KALRN: variants seen among roughly 807,000 people sequenced by gnomAD.
KALRN encodes the protein kalirin.
A neutral mutation model predicts 353.7 loss-of-function variants in KALRN; 70 were observed. That is an observed-to-expected ratio of 0.20 (90% CI 0.16 to 0.24). The LOEUF is 0.24. Ranked by LOEUF, KALRN falls within the 10% of genes least tolerant of loss-of-function variation. The pLI, the probability that KALRN is intolerant of heterozygous loss-of-function variation, is 1.00. For missense variants in KALRN, 2,791 were observed against 3,756.7 expected, an observed-to-expected ratio of 0.74 and a Z score of 6.72; for synonymous variants, 1,391 against 1,434.8, an observed-to-expected ratio of 0.97 and a Z score of 0.69.
rs564981540 is a variant in KALRN, at chr3:124,299,805, C to T, written c.1092+892C>T. Among the ~76,000 whole-genome samples, 86 of 152,268 alleles carry T rather than the reference C, an allele frequency of 5.6e-4. 4 individuals carry two copies. The South Asian group carries it at 0.017, about 30-fold the overall frequency. ...ATGACCACTCTTATCCCTCATAAACCTAACACTTCGGGATATATTTTTGTT... is the reference window on the plus strand; with the variant it reads ...ATGACCACTCTTATCCCTCATAAACTTAACACTTCGGGATATATTTTTGTT... On this transcript the variant is annotated intron_variant, in intron 6 of 59. Coordinates refer to ENST00000682506, the MANE Select transcript of KALRN (RefSeq NM_001388419.1).
chr3:124,408,119 C>T (rs971799204), intron 13 of KALRN, among the ~76,000 whole-genome samples: 2 of 152,108 alleles, frequency 1.3e-5, no homozygotes, highest in South Asian at 2.1e-4. Flanking sequence ...GAAGGCAGTG[C>T]GTTTTCTTGC....
intron 6 of KALRN, among the ~76,000 whole-genome samples, chr3:124,321,829 G>A (rs932180577): frequency 2.0e-5 from 3 of 152,230 alleles, no homozygotes; most frequent in African/African-American, 7.2e-5. Context: ...AACGGACCAT[G>A]CTGCAGGTGC....
At chr3:124,490,935 A>G (rs757477264) in intron 30 of KALRN, 51 bp downstream of exon 30, 5 of 1,513,658 alleles carry the variant, frequency 3.3e-6, no homozygotes, top group Admixed American at 1.7e-5. Context: ...CATAGAACCC[A>G]TGGGCAGGAA....
chr3:124,565,406 A>G (rs2072681330), intron 34 of KALRN, among the ~76,000 whole-genome samples: 2 of 152,226 alleles, frequency 1.3e-5, no homozygotes, highest in Admixed American at 6.5e-5. Flanking sequence ...AAGAGGGTAC[A>G]CAGAAGGTAG....
At chr3:124,096,732 C>T (rs2061474232) in intron 1 of KALRN, 6 of 152,134 alleles carry the variant, frequency 3.9e-5, no homozygotes, top group Admixed American at 3.9e-4. Flanking sequence ...TAACCAAATT[C>T]TCAGTTTGTT....
chr3:124,042,770 T>A (rs958657632), intron 1 of KALRN, among the ~76,000 whole-genome samples: 81 of 152,154 alleles, frequency 5.3e-4, no homozygotes, highest in African/African-American at 1.8e-3. Context: ...CAGGTGTCAG[T>A]GAAATAGCTA....
chr3:124,547,200 G>A (rs2069785681), intron 33 of KALRN, among the ~76,000 whole-genome samples: 1 of 152,096 alleles, frequency 6.6e-6, no homozygotes, highest in African/African-American at 2.4e-5. Context: ...GGATCTCACT[G>A]TGTTGCCCAG....
chr3:124,263,364 C>G (rs541456888), intron 3 of KALRN, among the ~76,000 whole-genome samples: 1 of 152,226 alleles, frequency 6.6e-6, no homozygotes, highest in Non-Finnish European at 1.5e-5. Context: ...ACTCTTGGCT[C>G]TCTCTGAGTG....
rs1064321 is a variant in KALRN at position 124,719,665 on chromosome 3, T to A, written c.*195T>A. ...AAGTCACCCTAAATCAAGGGGCTTT[T>A]CAGAAGGTCATTCTGAAGAAATAAA... On this transcript the variant is annotated 3_prime_UTR_variant, in exon 60 of 60. Coordinates refer to ENST00000682506, the MANE Select transcript of KALRN (RefSeq NM_001388419.1). The surrounding 1 kb of genome is among the most constrained non-coding windows in gnomAD (Gnocchi z 5.3). The A allele has an allele frequency of 0.017, 9,995 of 572,846 alleles. 173 individuals are homozygous for A. The highest frequency in any genetic ancestry group is 0.061 in the East Asian group (2,088 of 34,324). 35.5% of individuals were successfully genotyped at this position (572,846 alleles called of 1,614,324 possible). A position where few individuals can be genotyped will look rare whatever the true frequency, so the allele number is the denominator to read the frequency against.
intron 1 of KALRN, among the ~76,000 whole-genome samples, chr3:124,204,628 T>C (rs1350998622): frequency 6.6e-6 from 1 of 152,204 alleles, no homozygotes; most frequent in Non-Finnish European, 1.5e-5. Context: ...TATCTTTGGC[T>C]TTGGAATTCA....
At chr3:124,715,606 A>T (rs892644526) in intron 58 of KALRN, among the ~76,000 whole-genome samples, 42 of 152,238 alleles carry the variant, frequency 2.8e-4, no homozygotes, top group African/African-American at 9.6e-4. Context: ...AGAGGCTTGC[A>T]TGGGTTCTAG....
intron 3 of KALRN, among the ~76,000 whole-genome samples, chr3:124,261,597 A>G (rs572264736): frequency 6.6e-6 from 1 of 152,338 alleles, no homozygotes; most frequent in East Asian, 1.9e-4. Flanking sequence ...TAGTTGTCAG[A>G]AATGATTAGT....
chr3:124,406,492 T>G (rs2091555656), intron 13 of KALRN, among the ~76,000 whole-genome samples: 2 of 152,244 alleles, frequency 1.3e-5, no homozygotes, highest in Admixed American at 1.3e-4. Context: ...AGCCAGCATT[T>G]GTAGGGCAGT....
intron 29 of KALRN, 25 bp downstream of exon 29, chr3:124,488,340 A>G (rs1157817402): frequency 6.8e-7 from 1 of 1,460,064 alleles, no homozygotes; most frequent in Admixed American, 1.7e-5. Context: ...AGCACTGGGG[A>G]AGCCTCCTCT....
intron 1 of KALRN, among the ~76,000 whole-genome samples, chr3:124,212,012 A>G (rs1279627829): frequency 6.6e-6 from 1 of 152,200 alleles, no homozygotes; most frequent in African/African-American, 2.4e-5. Flanking sequence ...ACATGCAAAT[A>G]AATAGAATAA....
intron 21 of KALRN, among the ~76,000 whole-genome samples, chr3:124,454,878 G>A (rs1244556665): frequency 2.0e-5 from 3 of 152,156 alleles, no homozygotes; most frequent in Non-Finnish European, 4.4e-5. Flanking sequence ...GTTATATAAG[G>A]AACTTGCATA....
chr3:124,569,351 A>C (rs1296201748), intron 34 of KALRN, among the ~76,000 whole-genome samples: 1 of 152,058 alleles, frequency 6.6e-6, no homozygotes, highest in Non-Finnish European at 1.5e-5. Flanking sequence ...CGTGGATAAA[A>C]CTTGGGCTCT....
intron 34 of KALRN, among the ~76,000 whole-genome samples, chr3:124,578,510 A>G (rs1283684426): frequency 1.3e-5 from 2 of 152,254 alleles, no homozygotes; most frequent in Non-Finnish European, 2.9e-5. Context: ...CCTAAACTCT[A>G]CAATGCAGGA....
At chr3:124,316,063 C>CA (rs1202440082) in intron 6 of KALRN, among the ~76,000 whole-genome samples, 1 of 152,062 alleles carries the variant, frequency 6.6e-6, no homozygotes, top group African/African-American at 2.4e-5. Flanking sequence ...GGGAGCAGCA[C>CA]AAAAAGCAGA....
Sources: allele counts gnomAD v4.1 joint callset (sites outside exome capture counted in the v4.1 genomes callset), GRCh38; gene constraint gnomAD v4.1.1; non-coding constraint Gnocchi (gnomAD v3.1); transcripts MANE v1.5; gene names NCBI Gene and HGNC (gene_info 2026-07-23, HGNC 2026-07-21).